Variants in CNTNAP4 observed in about 807,000 individuals in gnomAD.
CNTNAP4 encodes contactin associated protein family member 4.
In CNTNAP4, 98 loss-of-function variants were observed where a neutral mutation model predicts 148.4. The ratio of observed to expected loss-of-function variants is 0.66; its 90% CI spans 0.56 to 0.78. The LOEUF (loss-of-function observed/expected upper bound fraction) is 0.78. CNTNAP4 is among the 30% of genes least tolerant of loss of function. The pLI, the probability that CNTNAP4 is intolerant of heterozygous loss-of-function variation, is 0.00. For synonymous variants in CNTNAP4, 730 were observed against 565.1 expected (o/e 1.29, Z -4.14); for missense variants, 1,935 against 1,565.6 (o/e 1.24, Z -3.98).
rs6145898 is a variant in CNTNAP4 at position 76,307,503 on chromosome 16, CATATATATATATATATATATAT to C, written c.86-8894_86-8873del. Among the ~76,000 whole-genome samples the C allele has an allele frequency of 7.7e-3, 706 of 91,724 alleles. 27 individuals are homozygous for C. The highest frequency in any genetic ancestry group is 0.047 in the Middle Eastern group (8 of 172). 60.2% of individuals were successfully genotyped at this position (91,724 alleles called of 152,430 possible). On this transcript the variant is annotated intron_variant, in intron 1 of 23. Coordinates refer to ENST00000611870, the MANE Select transcript of CNTNAP4 (RefSeq NM_033401.5). Reference sequence around the variant, plus strand: ...TTCTCCTAGATATCTATTTTAAATGCATATATATATATATATATATATATATATATATATATACCAAACTCCA... The same window carrying C: ...TTCTCCTAGATATCTATTTTAAATGCATATATATATATATACCAAACTCCA...
chr16:76,372,103 A>G (rs1390036644), intron 3 of CNTNAP4, among the ~76,000 whole-genome samples: 1 of 146,614 alleles, frequency 6.8e-6, no homozygotes, highest in Non-Finnish European at 1.5e-5. Flanking sequence ...CATTCTACTT[A>G]TATGTTGGCT....
intron 10 of CNTNAP4, among the ~76,000 whole-genome samples, chr16:76,471,228 C>G (rs1030513312): frequency 2.6e-5 from 4 of 152,154 alleles, no homozygotes; most frequent in Admixed American, 2.6e-4. Context: ...GAGTACAGAA[C>G]TGAAAAGGCA....
chr16:76,326,083 A>G (rs1962942759), intron 2 of CNTNAP4, among the ~76,000 whole-genome samples: 1 of 152,238 alleles, frequency 6.6e-6, no homozygotes, highest in Non-Finnish European at 1.5e-5. Flanking sequence ...ATTCTCTCCC[A>G]GAGAACAGAA....
chr16:76,379,069 G>A (rs1342764724), intron 3 of CNTNAP4, among the ~76,000 whole-genome samples: 1 of 152,124 alleles, frequency 6.6e-6, no homozygotes, highest in African/African-American at 2.4e-5. Flanking sequence ...GTGACCTTTA[G>A]GGTTACCCCG....
intron 14 of CNTNAP4, among the ~76,000 whole-genome samples, chr16:76,497,662 G>C (rs576964326): frequency 6.6e-6 from 1 of 151,262 alleles, no homozygotes; most frequent in Admixed American, 6.6e-5. Flanking sequence ...ATAAGGACAT[G>C]GGGGGGAACA....
chr16:76,495,087 T>G (rs1275866348), intron 14 of CNTNAP4, 21 bp downstream of exon 14: 1 of 1,610,936 alleles, frequency 6.2e-7, no homozygotes, highest in Non-Finnish European at 8.5e-7. Flanking sequence ...TATGATTTCT[T>G]TATGCAAGAA....
In CNTNAP4 at chr16:76,427,491, T is replaced by A; in HGVS notation, c.430T>A (p.Tyr144Asn). The A allele has an allele frequency of 6.2e-7, 1 of 1,613,228 alleles. No individual in the cohort carries two copies. The highest frequency in any genetic ancestry group is 8.5e-7 in the Non-Finnish European group (1 of 1,179,438). ...GNANADSVVYYRLQPSIKARF... is the reference protein window; with the variant it reads ...GNANADSVVYNRLQPSIKARF... ...TGCAAATGCAGACAGTGTTGTGTAC[T>A]ATAGACTCCAGCCTTCTATCAAAGC... Residue 144 changes from tyrosine to asparagine, a missense_variant, in exon 4 of 24, where the codon TAT (tyrosine) becomes AAT (asparagine). Coordinates refer to ENST00000611870, the MANE Select transcript of CNTNAP4 (RefSeq NM_033401.5).
intron 3 of CNTNAP4, among the ~76,000 whole-genome samples, chr16:76,369,197 T>A (rs1426403171): frequency 1.3e-5 from 2 of 152,318 alleles, no homozygotes; most frequent in South Asian, 4.1e-4. Flanking sequence ...TGCAATATTT[T>A]AGACATTATT....
intron 9 of CNTNAP4, 123 bp from the exon 10 acceptor site, chr16:76,467,229 A>T: frequency 1.2e-6 from 1 of 805,066 alleles, no homozygotes. Context: ...TGCAGTCATT[A>T]TTCCCTCCTT....
intron 21 of CNTNAP4, among the ~76,000 whole-genome samples, chr16:76,547,619 G>T (rs374681117): frequency 2.6e-5 from 4 of 152,152 alleles, no homozygotes; most frequent in Non-Finnish European, 5.9e-5. Context: ...GTAAATTTCA[G>T]TTCTGAGTTC....
intron 2 of CNTNAP4, among the ~76,000 whole-genome samples, chr16:76,318,319 A>G (rs1239966696): frequency 6.6e-6 from 1 of 152,242 alleles, no homozygotes; most frequent in Non-Finnish European, 1.5e-5. Flanking sequence ...GAGGTTCAAT[A>G]CATCACAAAA....
intron 3 of CNTNAP4, among the ~76,000 whole-genome samples, chr16:76,427,152 C>G (rs942094862): frequency 1.3e-5 from 2 of 152,130 alleles, no homozygotes; most frequent in Non-Finnish European, 2.9e-5. Context: ...AGACATGGCA[C>G]ATTTTTACGT....
chr16:76,284,096 C>T (rs1477241212), intron 1 of CNTNAP4, among the ~76,000 whole-genome samples: 7 of 151,470 alleles, frequency 4.6e-5, no homozygotes, highest in Admixed American at 4.6e-4. Context: ...TAATTTTGAC[C>T]TCAACTTTAG....
At chr16:76,535,355 C>G (rs2084169580) in intron 17 of CNTNAP4, among the ~76,000 whole-genome samples, 190 bp from the exon 18 acceptor site, 1 of 152,080 alleles carries the variant, frequency 6.6e-6, no homozygotes, top group Non-Finnish European at 1.5e-5. Flanking sequence ...ACATATTCAA[C>G]TTTTAAAAAA....
chr16:76,449,680 TAAAC>T, intron 6 of CNTNAP4, 31 bp from the exon 7 acceptor site: 1 of 1,511,502 alleles, frequency 6.6e-7, no homozygotes, highest in Non-Finnish European at 8.9e-7. Flanking sequence ...AGAAAATCAC[TAAAC>T]AATATTATTG....
intron 14 of CNTNAP4, among the ~76,000 whole-genome samples, chr16:76,496,233 T>C (rs2082398680): frequency 6.6e-6 from 1 of 151,930 alleles, no homozygotes; most frequent in Non-Finnish European, 1.5e-5. Context: ...CCTTTTCTTA[T>C]CACTACTTTC....
intron 3 of CNTNAP4, among the ~76,000 whole-genome samples, chr16:76,372,180 C>A (rs1187037452): frequency 3.6e-5 from 5 of 140,054 alleles, no homozygotes; most frequent in Non-Finnish European, 7.5e-5. Flanking sequence ...CACTCTGTTG[C>A]CCAGGCTTGA....
chr16:76,296,906 T>C (rs886958109), intron 1 of CNTNAP4, among the ~76,000 whole-genome samples: 1 of 152,138 alleles, frequency 6.6e-6, no homozygotes, highest in Non-Finnish European at 1.5e-5. Context: ...GATTTAAAAA[T>C]CCATGGCAGG....
At chr16:76,346,121 C>T (rs1033608604) in intron 2 of CNTNAP4, among the ~76,000 whole-genome samples, 4 of 151,886 alleles carry the variant, frequency 2.6e-5, no homozygotes, top group Admixed American at 6.6e-5. Flanking sequence ...TATTCAAGAC[C>T]GAATTCAACA....
Sources: gnomAD v4.1 joint callset for allele counts (sites outside exome capture counted in the v4.1 genomes callset) on GRCh38, gnomAD v4.1.1 for gene constraint, MANE v1.5 for transcripts, NCBI Gene and HGNC (gene_info 2026-07-23, HGNC 2026-07-21) for gene names.